QSOX1: variants seen among roughly 807,000 people sequenced by gnomAD.
QSOX1 encodes sulfhydryl oxidase 1.
QSOX1 carries 40 observed loss-of-function variants against 76.1 expected under a neutral mutation model. That is an observed-to-expected ratio of 0.53 (90% CI 0.41 to 0.68). The LOEUF (loss-of-function observed/expected upper bound fraction) is 0.68. Among genes scored for constraint, QSOX1 ranks in the 30% least tolerant of loss-of-function variants. QSOX1 has a pLI of 0.00. For synonymous variants in QSOX1, 392 were observed against 413.1 expected (o/e 0.95, Z 0.62); for missense variants, 931 against 974.3 (o/e 0.96, Z 0.59).
At chr1:180,181,584 T>G (rs16855395) in intron 5 of QSOX1, among the ~76,000 whole-genome samples, 20,989 of 152,238 alleles carry the variant, frequency 0.14, 1,615 homozygotes, top group Middle Eastern at 0.21. Context: ...TGTTACCATA[T>G]GTATTTGAAC....
intron 2 of QSOX1, among the ~76,000 whole-genome samples, chr1:180,167,837 A>G (rs1403817356): frequency 1.3e-5 from 2 of 152,218 alleles, no homozygotes; most frequent in Non-Finnish European, 2.9e-5. Flanking sequence ...ACATGGTGCT[A>G]TCTTTGGCCC....
chr1:180,161,840 A>G (rs1304175730), intron 1 of QSOX1, among the ~76,000 whole-genome samples: 1 of 152,170 alleles, frequency 6.6e-6, no homozygotes, highest in East Asian at 1.9e-4. Flanking sequence ...AGTTTTTTTC[A>G]TTAGAGTTCT....
chr1:180,195,145 C>T (rs1233446439), intron 11 of QSOX1, among the ~76,000 whole-genome samples: 2 of 152,128 alleles, frequency 1.3e-5, no homozygotes, highest in Admixed American at 6.5e-5. Context: ...TCCCCCACCC[C>T]GCCCCTGCCA....
At chr1:180,183,323 G>A (rs1663085662) in intron 6 of QSOX1, among the ~76,000 whole-genome samples, 2 of 152,136 alleles carry the variant, frequency 1.3e-5, no homozygotes, top group Non-Finnish European at 2.9e-5. Flanking sequence ...TATGCACTCA[G>A]GAGGTATCCC....
chr1:180,164,585 C>G (rs1051704996), intron 1 of QSOX1, among the ~76,000 whole-genome samples: 4 of 152,204 alleles, frequency 2.6e-5, no homozygotes, highest in Non-Finnish European at 4.4e-5. Flanking sequence ...GCTTAGTTGC[C>G]TTCTTTCCAG....
At position 180,155,253 on chromosome 1, in the gene QSOX1, G is replaced by A. The variant is rs1662349527; in HGVS notation, c.265+81G>A. Reference sequence around the variant, plus strand: ...TGCCCGGTGGGCAGCCTCCTACTCCGGGAGCGCGTCCCTCTTCCAGTCACC... The same window carrying A: ...TGCCCGGTGGGCAGCCTCCTACTCCAGGAGCGCGTCCCTCTTCCAGTCACC... On this transcript the variant is annotated intron_variant, in intron 1 of 11. Coordinates refer to ENST00000367602, the MANE Select transcript of QSOX1 (RefSeq NM_002826.5). 2.3e-6 allele frequency: 3 copies of A among 1,283,212 alleles called. No individual in the cohort carries two copies. In the Admixed American group the frequency reaches 1.1e-4, roughly 48 times the overall value. 79.5% of individuals were successfully genotyped at this position (1,283,212 alleles called of 1,614,324 possible).
intron 2 of QSOX1, among the ~76,000 whole-genome samples, chr1:180,172,814 C>T (rs568571960): frequency 6.6e-5 from 10 of 151,772 alleles, no homozygotes; most frequent in African/African-American, 1.9e-4. Flanking sequence ...CCACTGCACC[C>T]GTCCTGGAGA....
intron 4 of QSOX1, among the ~76,000 whole-genome samples, chr1:180,176,238 C>T (rs2149235980): frequency 6.6e-6 from 1 of 152,298 alleles, no homozygotes; most frequent in East Asian, 1.9e-4. Flanking sequence ...TCGCACAGGT[C>T]CTGCTGAAGA....
intron 10 of QSOX1, among the ~76,000 whole-genome samples, chr1:180,192,431 G>A (rs778821454): frequency 6.6e-6 from 1 of 152,240 alleles, no homozygotes; most frequent in Admixed American, 6.5e-5. Flanking sequence ...CTGCAGGCAG[G>A]GGGAGGCAGG....
chr1:180,164,439 C>A (rs989186558), intron 1 of QSOX1, among the ~76,000 whole-genome samples: 3 of 152,136 alleles, frequency 2.0e-5, no homozygotes, highest in African/African-American at 7.2e-5. Context: ...CTCCCTCCTT[C>A]GAGGAGTCCA....
chr1:180,163,905 T>A (rs536353684), intron 1 of QSOX1, among the ~76,000 whole-genome samples: 1 of 152,304 alleles, frequency 6.6e-6, no homozygotes, highest in East Asian at 1.9e-4. Context: ...AATATGTTGA[T>A]GTTTCTCTGG....
chr1:180,165,865 G>C (rs750661247), intron 1 of QSOX1, among the ~76,000 whole-genome samples: 7 of 151,302 alleles, frequency 4.6e-5, no homozygotes, highest in Non-Finnish European at 1.0e-4. Context: ...CAGCAGCCTT[G>C]TGGCCCGGGG....
Position 180,155,283 on chromosome 1 carries a change from C to T in QSOX1, c.265+111C>T, listed in dbSNP as rs760377502. 4 of 995,072 alleles carry T rather than the reference C, an allele frequency of 4.0e-6. No individual in the cohort carries two copies. In the African/African-American group the frequency reaches 5.2e-5, roughly 13 times the overall value. The allele number at this position is 995,072 out of a possible 1,614,324, so 61.6% of individuals were successfully genotyped here. ...CGCGTCCCTCTTCCAGTCACCTCCG[C>T]CCACCTCTTCCTCTCCGCGCATCCC... On this transcript the variant is annotated intron_variant, in intron 1 of 11. Coordinates refer to ENST00000367602, the MANE Select transcript of QSOX1 (RefSeq NM_002826.5).
chr1:180,185,933 A>T, intron 7 of QSOX1, 120 bp from the exon 8 acceptor site: 1 of 1,250,924 alleles, frequency 8.0e-7, no homozygotes, highest in Non-Finnish European at 1.2e-6. Context: ...GTAACTTACA[A>T]GACTCTGTGA....
At chr1:180,168,849 C>CATA (rs1317514371) in intron 2 of QSOX1, among the ~76,000 whole-genome samples, 15 of 152,202 alleles carry the variant, frequency 9.9e-5, no homozygotes, top group Non-Finnish European at 1.8e-4. Flanking sequence ...GGGCCAGAGA[C>CATA]ATAGCCCTGT....
chr1:180,155,452 A>G (rs2149227202), intron 1 of QSOX1, among the ~76,000 whole-genome samples: 1 of 152,126 alleles, frequency 6.6e-6, no homozygotes, highest in East Asian at 1.9e-4. Flanking sequence ...GTCCCCCGCC[A>G]GGTTACTGCC....
At chr1:180,192,844 T>C (rs1043949779) in intron 10 of QSOX1, among the ~76,000 whole-genome samples, 1 of 152,160 alleles carries the variant, frequency 6.6e-6, no homozygotes, top group Non-Finnish European at 1.5e-5. Flanking sequence ...ATGAGCTCCC[T>C]GGCAGGGAGG....
chr1:180,189,515 T>C lies in QSOX1; in HGVS notation c.1018-37T>C, dbSNP rs753062900. On this transcript the variant is annotated intron_variant, in intron 8 of 11. Transcript: ENST00000367602. ...CAGGACGGGGAACTTGGGGAATTGC[T>C]TTTCACTCTCCAGCTTCCGCTTGTT... The C allele has an allele frequency of 5.8e-6, 8 of 1,376,534 alleles. No individual in the cohort carries two copies. The Admixed American group carries it at 9.8e-5, about 17-fold the overall frequency. 85.3% of individuals were successfully genotyped at this position (1,376,534 alleles called of 1,614,324 possible).
In QSOX1 at chr1:180,198,559, G is replaced by A. The variant is rs1301774294; in HGVS notation, c.*1522G>A. On this transcript the variant is annotated 3_prime_UTR_variant, in exon 12 of 12. Coordinates refer to ENST00000367602, the MANE Select transcript of QSOX1 (RefSeq NM_002826.5). Reference sequence around the variant, plus strand: ...TCAGATGGCCTGGGTGCTATGTGGAGCAGGTGGGATGCCAAGGCCACTCCT... The same window carrying A: ...TCAGATGGCCTGGGTGCTATGTGGAACAGGTGGGATGCCAAGGCCACTCCT... 2.7e-6 allele frequency: 1 copy of A among 370,310 alleles called. No individual in the cohort carries two copies. Among genetic ancestry groups the A allele is most frequent in the Non-Finnish European group, 5.5e-6 (1 of 181,544 alleles). The allele number at this position is 370,310 out of a possible 1,614,324, so 22.9% of individuals were successfully genotyped here.
Sources: allele counts gnomAD v4.1 joint callset (sites outside exome capture counted in the v4.1 genomes callset), GRCh38; gene constraint gnomAD v4.1.1; transcripts MANE v1.5; gene names NCBI Gene and HGNC (gene_info 2026-07-23, HGNC 2026-07-21).